Variants in RSPO2 observed in about 807,000 individuals in gnomAD.
RSPO2 encodes the protein R-spondin 2, also known as R-spondin-2.
A neutral mutation model predicts 30.9 loss-of-function variants in RSPO2; 14 were observed. The observed-to-expected ratio is 0.45, with a 90% CI of 0.30 to 0.71. The LOEUF (loss-of-function observed/expected upper bound fraction) is 0.71, where lower values mean the gene tolerates loss of function less well. Among genes scored for constraint, RSPO2 ranks in the 30% least tolerant of loss-of-function variants. RSPO2 has a pLI of 0.08. For missense variants in RSPO2, 264 were observed against 301.9 expected (o/e 0.87, Z 0.93); for synonymous variants, 107 against 96.4 (o/e 1.11, Z -0.64).
At chr8:107,910,957 C>CA (rs1391026048) in intron 5 of RSPO2, among the ~76,000 whole-genome samples, 8 of 152,000 alleles carry the variant, frequency 5.3e-5, no homozygotes, top group Admixed American at 2.6e-4. Context: ...AGAGTCTTCC[C>CA]AAAAATCAAG....
chr8:108,083,001 C>A, intron 1 of RSPO2, 194 bp from the exon 2 acceptor site: 1 of 232,406 alleles, frequency 4.3e-6, no homozygotes, highest in East Asian at 9.5e-5. Flanking sequence ...TGATTATAAT[C>A]AGTGAATTAG....
chr8:108,061,488 T>C (rs1812461953), intron 2 of RSPO2, among the ~76,000 whole-genome samples: 1 of 151,884 alleles, frequency 6.6e-6, no homozygotes, highest in Middle Eastern at 3.4e-3. Flanking sequence ...GAGCTAACTA[T>C]CCTAAATATA....
chr8:108,074,875 T>C (rs893750092), intron 2 of RSPO2, among the ~76,000 whole-genome samples: 2 of 152,330 alleles, frequency 1.3e-5, no homozygotes, highest in African/African-American at 2.4e-5. Context: ...GACAGTGAAA[T>C]GTCAGTGTTC....
intron 2 of RSPO2, among the ~76,000 whole-genome samples, chr8:108,078,784 C>T (rs1044188413): frequency 2.6e-5 from 4 of 152,140 alleles, no homozygotes; most frequent in African/African-American, 7.2e-5. Context: ...AGTCATAGCA[C>T]GCCCCCTGCC....
chr8:107,973,915 A>G (rs2130479646), intron 3 of RSPO2, among the ~76,000 whole-genome samples: 1 of 152,288 alleles, frequency 6.6e-6, no homozygotes, highest in East Asian at 1.9e-4. Flanking sequence ...TGCGTCCTCA[A>G]TCTTGGCAAA....
chr8:108,054,813 A>G (rs1354593298), intron 2 of RSPO2, among the ~76,000 whole-genome samples: 1 of 152,128 alleles, frequency 6.6e-6, no homozygotes, highest in Non-Finnish European at 1.5e-5. Context: ...CTCATAGTTT[A>G]CTACAGAAAA....
intron 5 of RSPO2, among the ~76,000 whole-genome samples, chr8:107,947,221 C>A (rs1813092479): frequency 1.3e-5 from 2 of 152,170 alleles, no homozygotes. Context: ...ACATTTTCAT[C>A]CTTGACCTGA....
intron 2 of RSPO2, among the ~76,000 whole-genome samples, chr8:108,062,114 C>G (rs572325209): frequency 6.6e-6 from 1 of 151,828 alleles, no homozygotes; most frequent in Non-Finnish European, 1.5e-5. Context: ...CCTAACATCA[C>G]AATTAAAAGA....
In RSPO2 at chr8:107,960,752, A is replaced by G; in HGVS notation, c.349T>C (p.Phe117Leu). 1 of 1,612,910 alleles carries G rather than the reference A, an allele frequency of 6.2e-7. No homozygotes were observed. The highest frequency in any genetic ancestry group is 8.5e-7 in the Non-Finnish European group (1 of 1,179,158). ...AAGCAACGGCCTCTATGCAAATAAA[A>G]GCCTACTTTGCACTTGGTACAAAAG... ...KDFCTKCKVGFYLHRGRCFDE... is the reference protein window; with the variant it reads ...KDFCTKCKVGLYLHRGRCFDE... Residue 117 changes from phenylalanine to leucine, a missense_variant, in exon 4 of 6, where the codon TTT (phenylalanine) becomes CTT (leucine). By Grantham distance (22) the Phe-to-Leu change is conservative (BLOSUM62 0). Coordinates refer to ENST00000276659, the MANE Select transcript of RSPO2 (RefSeq NM_178565.5).
intron 2 of RSPO2, among the ~76,000 whole-genome samples, chr8:108,045,847 C>T (rs183412275): frequency 6.6e-6 from 1 of 152,190 alleles, no homozygotes; most frequent in African/African-American, 2.4e-5. Flanking sequence ...GCCACAGAGT[C>T]GACACTCCGG....
chr8:108,075,901 G>A (rs1203052624), intron 2 of RSPO2, among the ~76,000 whole-genome samples: 1 of 152,044 alleles, frequency 6.6e-6, no homozygotes, highest in Non-Finnish European at 1.5e-5. Flanking sequence ...ACTCTAAAAG[G>A]TCTAGTTTGA....
At chr8:108,046,412 A>C (rs1268594856) in intron 2 of RSPO2, among the ~76,000 whole-genome samples, 1 of 152,192 alleles carries the variant, frequency 6.6e-6, no homozygotes, top group Admixed American at 6.6e-5. Context: ...ATTAGAAAGA[A>C]AATTATGTAT....
At chr8:108,072,492 ATTTTTT>A (rs71308776) in intron 2 of RSPO2, among the ~76,000 whole-genome samples, 10 of 122,634 alleles carry the variant, frequency 8.2e-5, no homozygotes, top group African/African-American at 3.2e-4. Flanking sequence ...AGCCCGGCTA[ATTTTTT>A]TTTTTTTTTT....
At chr8:107,966,776 G>A (rs1271895700) in intron 3 of RSPO2, among the ~76,000 whole-genome samples, 1 of 152,148 alleles carries the variant, frequency 6.6e-6, no homozygotes, top group Non-Finnish European at 1.5e-5. Flanking sequence ...AGATAAATGA[G>A]AAAAGTAAAT....
chr8:107,943,852 T>C (rs1295759629), intron 5 of RSPO2, among the ~76,000 whole-genome samples: 1 of 152,216 alleles, frequency 6.6e-6, no homozygotes, highest in Non-Finnish European at 1.5e-5. Context: ...AAGGAATCTG[T>C]GCACAGATGC....
At chr8:107,978,467 G>A (rs1814294891) in intron 3 of RSPO2, among the ~76,000 whole-genome samples, 1 of 152,116 alleles carries the variant, frequency 6.6e-6, no homozygotes, top group Non-Finnish European at 1.5e-5. Flanking sequence ...TGGGAAAACT[G>A]GCTAGCCATA....
chr8:107,983,110 A>T, intron 3 of RSPO2: 2 of 1,420,980 alleles, frequency 1.4e-6, no homozygotes, highest in Non-Finnish European at 1.9e-6. Context: ...CGCTTACCCC[A>T]GGGTCTATGG....
chr8:107,967,119 C>T (rs1395680617), intron 3 of RSPO2, among the ~76,000 whole-genome samples: 1 of 152,132 alleles, frequency 6.6e-6, no homozygotes, highest in Non-Finnish European at 1.5e-5. Flanking sequence ...AACATCAAGC[C>T]AACCTCTAGA....
intron 2 of RSPO2, among the ~76,000 whole-genome samples, chr8:108,011,000 G>C (rs1810686766): frequency 6.6e-6 from 1 of 151,890 alleles, no homozygotes; most frequent in South Asian, 2.1e-4. Flanking sequence ...GGGCATGGTA[G>C]TGCACATCTA....
Sources: allele counts gnomAD v4.1 joint callset (sites outside exome capture counted in the v4.1 genomes callset), GRCh38; gene constraint gnomAD v4.1.1; transcripts MANE v1.5; gene names NCBI Gene and HGNC (gene_info 2026-07-23, HGNC 2026-07-21).